UCP1: variants seen among roughly 807,000 people sequenced by gnomAD.
UCP1 encodes the protein uncoupling protein 1, also known as mitochondrial brown fat uncoupling protein 1.
Under a neutral mutation model 26.2 loss-of-function variants are expected in UCP1, and 24 were observed. That is an observed-to-expected ratio of 0.92 (90% CI 0.66 to 1.29). The LOEUF is 1.29. Among genes scored for constraint, UCP1 ranks in the 50% most tolerant of loss-of-function variants. The pLI is 0.00. For synonymous variants in UCP1, 164 were observed against 156.8 expected (o/e 1.05, Z -0.34); for missense variants, 402 against 388.7 (o/e 1.03, Z -0.29).
rs1735841548 is a variant in UCP1, at chr4:140,567,990, A to G, written c.127-13T>C. The G allele has an allele frequency of 6.2e-7, 1 of 1,614,060 alleles. No individual in the cohort carries two copies. Among genetic ancestry groups the G allele is most frequent in the African/African-American group, 1.3e-5 (1 of 74,918 alleles). On this transcript the variant is annotated splice_polypyrimidine_tract_variant and intron_variant, in intron 1 of 5. Coordinates refer to ENST00000262999, the MANE Select transcript of UCP1 (RefSeq NM_021833.5). Reference sequence around the variant, plus strand: ...ATTCACCTTGGACCTGGAAATAAGAAAGGTGCAGAACAGAAGGGAGCGAAA... The same window carrying G: ...ATTCACCTTGGACCTGGAAATAAGAGAGGTGCAGAACAGAAGGGAGCGAAA...
At chr4:140,567,651 G>T in intron 2 of UCP1, 128 bp downstream of exon 2, 2 of 1,210,870 alleles carry the variant, frequency 1.7e-6, no homozygotes, top group East Asian at 2.4e-5. Context: ...GTTTGGGGAA[G>T]GGAGAGTTCA....
At chr4:140,565,043 ACT>A (rs1391277538) in intron 2 of UCP1, among the ~76,000 whole-genome samples, 2 of 151,504 alleles carry the variant, frequency 1.3e-5, no homozygotes, top group African/African-American at 4.9e-5. Context: ...TCCTTTCCAC[ACT>A]CTCTGCTGTT....
chr4:140,565,982 C>A (rs867581776), intron 2 of UCP1, among the ~76,000 whole-genome samples: 1 of 152,294 alleles, frequency 6.6e-6, no homozygotes, highest in Non-Finnish European at 1.5e-5. Flanking sequence ...TTTAGGTACA[C>A]AAACACTTAA....
intron 1 of UCP1, among the ~76,000 whole-genome samples, chr4:140,568,249 A>T (rs953815592): frequency 6.6e-6 from 1 of 152,028 alleles, no homozygotes; most frequent in Non-Finnish European, 1.5e-5. Flanking sequence ...GGGCAGTAGG[A>T]TAGGACAGAA....
chr4:140,563,241 TAACTC>T (rs1406070730), intron 3 of UCP1, 30 bp from the exon 4 acceptor site: 6 of 1,611,868 alleles, frequency 3.7e-6, no homozygotes, highest in Admixed American at 3.3e-5. Flanking sequence ...AAATGTTTAT[TAACTC>T]TACTTTACAA....
In UCP1 at chr4:140,568,848, G is replaced by C; in HGVS notation, c.-119C>G. 3 of 1,480,644 alleles carry C rather than the reference G, an allele frequency of 2.0e-6. No homozygotes were observed. Among genetic ancestry groups the C allele is most frequent in the East Asian group, 2.5e-5 (1 of 40,344 alleles). 91.7% of individuals were successfully genotyped at this position (1,480,644 alleles called of 1,614,324 possible). A position where few individuals can be genotyped will look rare whatever the true frequency, so the allele number is the denominator to read the frequency against. ...GCAGCAAACCCGATTTCTGTTTTTT[G>C]AACCGACCGCCGGGCAGCGGCGGTG... On this transcript the variant is annotated 5_prime_UTR_variant, in exon 1 of 6. Transcript: ENST00000262999.
chr4:140,568,056 AT>A, intron 1 of UCP1, 79 bp from the exon 2 acceptor site: 1 of 1,501,350 alleles, frequency 6.7e-7, no homozygotes, highest in East Asian at 2.3e-5. Flanking sequence ...CTGTGTTCCT[AT>A]TTTCCGTTTC....
intron 5 of UCP1, among the ~76,000 whole-genome samples, chr4:140,560,438 C>CA (rs1735651323): frequency 6.6e-6 from 1 of 152,142 alleles, no homozygotes; most frequent in Non-Finnish European, 1.5e-5. Flanking sequence ...TCTTCACTGA[C>CA]ATGAACTTTT....
rs1196364862 is a variant in UCP1 at position 140,560,137 on chromosome 4, C to G, written c.810-127G>C. 22 of 771,610 alleles carry G rather than the reference C, an allele frequency of 2.9e-5. No individual in the cohort carries two copies. In the East Asian group the frequency reaches 5.6e-4, roughly 20 times the overall value. 47.8% of individuals were successfully genotyped at this position (771,610 alleles called of 1,614,324 possible). A position where few individuals can be genotyped will look rare whatever the true frequency, so the allele number is the denominator to read the frequency against. ...GTGTAATCATAGCTCACTGCAACCT[C>G]GAGCTCCTGGGCTTAAGTGATCCTC... On this transcript the variant is annotated intron_variant, in intron 5 of 5. Transcript: ENST00000262999.
intron 1 of UCP1, 108 bp from the exon 2 acceptor site, chr4:140,568,085 C>A: frequency 8.9e-7 from 1 of 1,129,738 alleles, no homozygotes; most frequent in African/African-American, 1.5e-5. Flanking sequence ...AGCAACATTC[C>A]TCTTCCATCC....
intron 4 of UCP1, 24 bp downstream of exon 4, chr4:140,563,082 CTGTT>C (rs753712691): frequency 2.4e-5 from 38 of 1,567,754 alleles, no homozygotes; most frequent in Non-Finnish European, 2.8e-5. Context: ...AGGTGCAGAC[CTGTT>C]TGTTATATGA....
chr4:140,560,782 G>C, intron 5 of UCP1, among the ~76,000 whole-genome samples: 1 of 150,696 alleles, frequency 6.6e-6, no homozygotes, highest in East Asian at 1.9e-4. Context: ...CATTTCAGTA[G>C]CATTAAGTAC....
rs1053079737 is a variant in UCP1, at chr4:140,562,339, G to A, written c.663C>T (p.Ile221=). ...DVPCHLVSAL[I]AGFCATAMSS... Reference sequence around the variant, plus strand: ...ACATAGCTGTTGCGCAAAATCCAGCGATAAGAGCCGACACCAAGTGGCAGG... The same window carrying A: ...ACATAGCTGTTGCGCAAAATCCAGCAATAAGAGCCGACACCAAGTGGCAGG... The change falls in exon 5 of 6, where the codon ATC becomes ATT. Residue 221 remains isoleucine (I), a synonymous_variant. Transcript: ENST00000262999. 5.0e-6 allele frequency: 8 copies of A among 1,614,054 alleles called. No homozygotes were observed. The East Asian group carries it at 6.7e-5, about 13-fold the overall frequency.
chr4:140,559,903 G>T lies in UCP1; in HGVS notation c.917C>A (p.Ala306Asp). The part of the protein sequence containing the change: ...LSKSRQTMDC[A>D]T The stretch of plus-strand genomic sequence containing the variant: ...TCATTTTCTTGAAGCTGATTATGTG[G>T]CACAGTCCATAGTCTGCCTTGACTT... The change falls in exon 6 of 6, where the codon GCC becomes GAC. Residue 306 changes from alanine (A) to aspartate (D), a missense_variant. Ala to Asp is a moderately radical substitution (Grantham distance 126). Coordinates refer to ENST00000262999, the MANE Select transcript of UCP1 (RefSeq NM_021833.5). The T allele has an allele frequency of 1.2e-6, 2 of 1,612,556 alleles. No individual in the cohort carries two copies. The highest frequency in any genetic ancestry group is 1.7e-6 in the Non-Finnish European group (2 of 1,178,778).
chr4:140,568,165 G>A (rs368820702), intron 1 of UCP1, among the ~76,000 whole-genome samples, 188 bp from the exon 2 acceptor site: 1 of 149,734 alleles, frequency 6.7e-6, no homozygotes, highest in African/African-American at 2.5e-5. Context: ...GTTCGCTCAC[G>A]CGCAGATGGA....
rs182838068 is a variant in UCP1 at position 140,568,870 on chromosome 4, G to C, written c.-141C>G. The C allele has an allele frequency of 0.011, 14,776 of 1,352,448 alleles. 115 individuals carry two copies. The highest frequency in any genetic ancestry group is 0.032 in the Middle Eastern group (128 of 4,048). The allele number at this position is 1,352,448 out of a possible 1,614,324, so 83.8% of individuals were successfully genotyped here. On this transcript the variant is annotated 5_prime_UTR_variant, in exon 1 of 6. Transcript: ENST00000262999. ...TTTGAACCGACCGCCGGGCAGCGGCGGTGCAGAGGCGGCGGCTGCAGACGG... is the reference window on the plus strand; with the variant it reads ...TTTGAACCGACCGCCGGGCAGCGGCCGTGCAGAGGCGGCGGCTGCAGACGG...
rs141663630 is a variant in UCP1, at chr4:140,564,169, A to G, written c.326-651T>C. 1.5e-3 allele frequency among the ~76,000 whole-genome samples: 225 copies of G among 152,266 alleles called. 1 individual carries two copies. The highest frequency in any genetic ancestry group is 5.0e-3 in the African/African-American group (209 of 41,558). Reference sequence around the variant, plus strand: ...GACTGTGAGGAGGCACCCATCACCAATGAGGCTTGATCTTTCTCCCACGAA... The same window carrying G: ...GACTGTGAGGAGGCACCCATCACCAGTGAGGCTTGATCTTTCTCCCACGAA... On this transcript the variant is annotated intron_variant, in intron 2 of 5. Transcript: ENST00000262999.
chr4:140,562,409 T>C (rs1735698314), intron 4 of UCP1, 36 bp from the exon 5 acceptor site: 1 of 1,609,774 alleles, frequency 6.2e-7, no homozygotes, highest in Non-Finnish European at 8.5e-7. Context: ...AACATCAGAC[T>C]TTTGGGGGCT....
chr4:140,562,643 C>G (rs1283155528), intron 4 of UCP1, among the ~76,000 whole-genome samples: 1 of 152,016 alleles, frequency 6.6e-6, no homozygotes, highest in Non-Finnish European at 1.5e-5. Context: ...GCATCTAATA[C>G]TTTTTTATTG....
Sources: gnomAD v4.1 joint callset for allele counts (sites outside exome capture counted in the v4.1 genomes callset) on GRCh38, gnomAD v4.1.1 for gene constraint, MANE v1.5 for transcripts, NCBI Gene and HGNC (gene_info 2026-07-23, HGNC 2026-07-21) for gene names.